Variants in NTN4 observed in about 807,000 individuals in gnomAD.
NTN4 encodes netrin-4.
NTN4 carries 32 observed loss-of-function variants against 73.6 expected under a neutral mutation model. The ratio of observed to expected loss-of-function variants is 0.44; its 90% CI spans 0.33 to 0.58. NTN4 has a LOEUF of 0.58. NTN4 is among the 20% of genes least tolerant of loss of function. The pLI, the probability that NTN4 is intolerant of heterozygous loss-of-function variation, is 0.04. For missense variants in NTN4, 654 were observed against 798.3 expected (o/e 0.82, Z 2.18); for synonymous variants, 258 against 287.5 (o/e 0.90, Z 1.04).
chr12:95,778,662 ATAAT>A (rs1174568744), intron 2 of NTN4, among the ~76,000 whole-genome samples: 4 of 152,186 alleles, frequency 2.6e-5, no homozygotes, highest in African/African-American at 9.6e-5. Context: ...AATTGAGGCA[ATAAT>A]TAATAGCTTA....
intron 5 of NTN4, among the ~76,000 whole-genome samples, chr12:95,688,943 G>A (rs939851250): frequency 7.9e-5 from 12 of 152,148 alleles, no homozygotes; most frequent in Non-Finnish European, 1.2e-4. Flanking sequence ...TACAGGCCCT[G>A]ATGGTGTACT....
At chr12:95,742,223 C>T (rs1019527202) in intron 2 of NTN4, among the ~76,000 whole-genome samples, 2 of 151,946 alleles carry the variant, frequency 1.3e-5, no homozygotes, top group African/African-American at 2.4e-5. Context: ...AGGCTAGGTG[C>T]GGTGGCTCAT....
rs2078246436 is a variant in NTN4 at position 95,673,086 on chromosome 12, A to G, written c.1511-2940T>C. 3 of 1,389,760 alleles carry G rather than the reference A, an allele frequency of 2.2e-6. No individual in the cohort carries two copies. The African/African-American group carries it at 4.2e-5, about 20-fold the overall frequency. 86.1% of individuals were successfully genotyped at this position (1,389,760 alleles called of 1,614,324 possible). A position where few individuals can be genotyped will look rare whatever the true frequency, so the allele number is the denominator to read the frequency against. On this transcript the variant is annotated intron_variant, in intron 7 of 9. Transcript: ENST00000343702. Reference sequence around the variant, plus strand: ...AGAAGTGAAGGCCGGCGGGCGGACTACTGTCCCCAGGAGCACCCTCCTTGC... The same window carrying G: ...AGAAGTGAAGGCCGGCGGGCGGACTGCTGTCCCCAGGAGCACCCTCCTTGC...
intron 3 of NTN4, among the ~76,000 whole-genome samples, chr12:95,726,981 A>AT (rs1029483151): frequency 1.8e-4 from 24 of 134,684 alleles, no homozygotes; most frequent in African/African-American, 4.0e-4. Context: ...AAAAAAAAAA[A>AT]TTTTTTTGGG....
At chr12:95,721,580 T>G (rs2078648038) in intron 3 of NTN4, among the ~76,000 whole-genome samples, 1 of 152,194 alleles carries the variant, frequency 6.6e-6, no homozygotes, top group Non-Finnish European at 1.5e-5. Flanking sequence ...AAACTCTAAT[T>G]AAAGATTTGC....
rs568284985 is a variant in NTN4, at chr12:95,688,334, G to A, written c.1181-4623C>T. Among the ~76,000 whole-genome samples, 11 of 152,264 alleles carry A rather than the reference G, an allele frequency of 7.2e-5. No individual in the cohort carries two copies. The South Asian group carries it at 1.9e-3, about 26-fold the overall frequency. Reference sequence around the variant, plus strand: ...TGGAAGAGGAAGAAAGAGTTGTTGAGGGACAAATAGAAGTCGGGGAAGATT... The same window carrying A: ...TGGAAGAGGAAGAAAGAGTTGTTGAAGGACAAATAGAAGTCGGGGAAGATT... On this transcript the variant is annotated intron_variant, in intron 5 of 9. Coordinates refer to ENST00000343702, the MANE Select transcript of NTN4 (RefSeq NM_021229.4).
At chr12:95,696,207 G>A (rs959704038) in intron 5 of NTN4, among the ~76,000 whole-genome samples, 2 of 151,962 alleles carry the variant, frequency 1.3e-5, no homozygotes, top group African/African-American at 4.8e-5. Context: ...AATCTGTCAT[G>A]CTCCCCTTTT....
chr12:95,748,388 A>G (rs1342061534), intron 2 of NTN4, among the ~76,000 whole-genome samples: 1 of 151,946 alleles, frequency 6.6e-6, no homozygotes, highest in Non-Finnish European at 1.5e-5. Flanking sequence ...AATGACTACA[A>G]ACATTTAGGG....
At position 95,787,173 on chromosome 12, in the gene NTN4, G is replaced by C; in HGVS notation, c.351C>G (p.Ile117Met). 6.2e-7 allele frequency: 1 copy of C among 1,614,212 alleles called. No individual in the cohort carries two copies. Among genetic ancestry groups the C allele is most frequent in the Non-Finnish European group, 8.5e-7 (1 of 1,180,040 alleles). Residue 117 changes from isoleucine to methionine, a missense_variant, in exon 2 of 10, where the codon ATC becomes ATG. Transcript: ENST00000343702. ...AGAATTCAGCTTCCAGGTCTAACTG[G>C]ATCTTTTCTCTGTGCACATCCTCCG... ...QSAEDVHREK[I>M]QLDLEAEFYF... is the part of the protein sequence containing the mutation.
At chr12:95,701,615 C>T (rs1403383218) in intron 5 of NTN4, among the ~76,000 whole-genome samples, 1 of 152,140 alleles carries the variant, frequency 6.6e-6, no homozygotes, top group Non-Finnish European at 1.5e-5. Flanking sequence ...TTTAATTGCT[C>T]ACAAGAAATA....
intron 4 of NTN4, among the ~76,000 whole-genome samples, chr12:95,711,573 G>C (rs899509533): frequency 6.6e-5 from 10 of 152,200 alleles, no homozygotes; most frequent in African/African-American, 2.4e-4. Context: ...CAAGTAGATT[G>C]ATTTATCTTT....
chr12:95,730,658 G>A (rs2078730836), intron 3 of NTN4, among the ~76,000 whole-genome samples: 1 of 152,160 alleles, frequency 6.6e-6, no homozygotes, highest in African/African-American at 2.4e-5. Flanking sequence ...GGAAATATGA[G>A]GTAGTAAATA....
rs1482487855 is a variant in NTN4, at chr12:95,737,932, G to C, written c.798C>G (p.Gly266=). 3 of 1,614,060 alleles carry C rather than the reference G, an allele frequency of 1.9e-6. No individual in the cohort carries two copies. Among genetic ancestry groups the C allele is most frequent in the Non-Finnish European group, 2.5e-6 (3 of 1,179,950 alleles). ...GAACAGGTATGCATTGATCAGCGTG[G>C]CCATTGCAGAAGCAGCTGCCCTTGA... is the stretch of plus-strand genomic sequence containing the variant. The part of the protein sequence containing the change: ...FIVKGSCFCN[G]HADQCIPVHG... The change falls in exon 3 of 10, where the codon GGC becomes GGG. Residue 266 remains glycine, a synonymous_variant. Transcript: ENST00000343702.
chr12:95,774,357 AT>A (rs2079077525), intron 2 of NTN4, among the ~76,000 whole-genome samples: 1 of 152,192 alleles, frequency 6.6e-6, no homozygotes, highest in Non-Finnish European at 1.5e-5. Context: ...CAGAGTTAAT[AT>A]TGGTGCTTAA....
intron 5 of NTN4, among the ~76,000 whole-genome samples, chr12:95,695,042 G>A (rs977552023): frequency 1.9e-4 from 29 of 151,926 alleles, no homozygotes; most frequent in African/African-American, 6.5e-4. Context: ...GCACAAGAAT[G>A]GTTTGAACCT....
At chr12:95,703,043 G>C (rs1054928722) in intron 5 of NTN4, among the ~76,000 whole-genome samples, 3 of 151,990 alleles carry the variant, frequency 2.0e-5, no homozygotes, top group Non-Finnish European at 2.9e-5. Flanking sequence ...TTTTAGTAGA[G>C]ACGGAGTTTC....
At chr12:95,759,440 A>G (rs2078969350) in intron 2 of NTN4, among the ~76,000 whole-genome samples, 1 of 150,896 alleles carries the variant, frequency 6.6e-6, no homozygotes, top group African/African-American at 2.4e-5. Context: ...AAGTTCACCA[A>G]ACTTTTCCTC....
chr12:95,749,204 G>A (rs1293890999), intron 2 of NTN4, among the ~76,000 whole-genome samples: 1 of 152,020 alleles, frequency 6.6e-6, no homozygotes, highest in African/African-American at 2.4e-5. Flanking sequence ...GACTCAGCCC[G>A]CCTGCACCCA....
At chr12:95,703,276 T>C (rs1353142722) in intron 5 of NTN4, among the ~76,000 whole-genome samples, 1 of 152,230 alleles carries the variant, frequency 6.6e-6, no homozygotes, top group Non-Finnish European at 1.5e-5. Flanking sequence ...GTTAATATTA[T>C]GTTTATGATT....
Sources: gnomAD v4.1 joint callset for allele counts (sites outside exome capture counted in the v4.1 genomes callset) on GRCh38, gnomAD v4.1.1 for gene constraint, MANE v1.5 for transcripts, NCBI Gene and HGNC (gene_info 2026-07-23, HGNC 2026-07-21) for gene names.